DYNC2H1: variants seen among roughly 807,000 people sequenced by gnomAD.
DYNC2H1 encodes dynein cytoplasmic 2 heavy chain 1.
DYNC2H1 carries 410 observed loss-of-function variants against 570.0 expected under a neutral mutation model. The observed-to-expected ratio is 0.72, with a 90% CI of 0.66 to 0.78. DYNC2H1 has a LOEUF of 0.78. Among genes scored for constraint, DYNC2H1 ranks in the 30% least tolerant of loss-of-function variants. The probability of loss-of-function intolerance (pLI) is 0.00; values close to 1 mark genes in which losing one functional copy is unlikely to be tolerated. For synonymous variants in DYNC2H1, 1,688 were observed against 1,677.6 expected, an observed-to-expected ratio of 1.01 and a Z score of -0.15; for missense variants, 4,865 against 5,046.4, an observed-to-expected ratio of 0.96 and a Z score of 1.09.
chr11:103,468,237 C>A (rs951963630), intron 87 of DYNC2H1, among the ~76,000 whole-genome samples: 1 of 152,168 alleles, frequency 6.6e-6, no homozygotes, highest in Admixed American at 6.5e-5. Context: ...AATGTTTGCT[C>A]TCTAATTATG....
chr11:103,331,406 C>A (rs1453489710), intron 82 of DYNC2H1, among the ~76,000 whole-genome samples: 2 of 151,988 alleles, frequency 1.3e-5, no homozygotes, highest in Non-Finnish European at 2.9e-5. Context: ...TAAAACTCTG[C>A]CCCTACCCTA....
chr11:103,441,363 C>G (rs112322356), intron 85 of DYNC2H1, among the ~76,000 whole-genome samples: 28 of 151,476 alleles, frequency 1.8e-4, no homozygotes, highest in South Asian at 2.1e-4. Context: ...CGCACTCCCC[C>G]CTCCAATACT....
Position 103,447,676 on chromosome 11 carries a change from G to A in DYNC2H1, c.12457-7510G>A, listed in dbSNP as rs559981948. ...CATGGCTAAACTTTGTTCTATTTGA[G>A]AGGTTTATTATAACTAAGTTTTTTA... On this transcript the variant is annotated intron_variant, in intron 85 of 88. Transcript: ENST00000375735. Among the ~76,000 whole-genome samples, 26 of 152,224 alleles carry A rather than the reference G, an allele frequency of 1.7e-4. No homozygotes were observed. The South Asian group carries it at 5.2e-3, about 30-fold the overall frequency.
intron 22 of DYNC2H1, 96 bp downstream of exon 22, chr11:103,153,604 T>A: frequency 9.0e-7 from 1 of 1,111,834 alleles, no homozygotes; most frequent in Non-Finnish European, 1.3e-6. Flanking sequence ...TTGATAACTT[T>A]CCTCATAAAC....
intron 86 of DYNC2H1, 73 bp from the exon 87 acceptor site, chr11:103,456,202 T>C (rs867688405): frequency 8.8e-7 from 1 of 1,134,204 alleles, no homozygotes; most frequent in Middle Eastern, 2.0e-4. Flanking sequence ...AATAGGACTA[T>C]ATCTTCAGTT....
At chr11:103,156,127 T>A (rs1473649641) in intron 25 of DYNC2H1, among the ~76,000 whole-genome samples, 1 of 152,104 alleles carries the variant, frequency 6.6e-6, no homozygotes, top group East Asian at 1.9e-4. Flanking sequence ...TTGCTTTTCT[T>A]TTAGAGAGGT....
intron 59 of DYNC2H1, among the ~76,000 whole-genome samples, chr11:103,230,433 C>A (rs950789487): frequency 1.3e-5 from 2 of 152,038 alleles, no homozygotes; most frequent in East Asian, 3.9e-4. Context: ...GTAAAAGAAT[C>A]TTTTTATCTT....
At chr11:103,274,820 C>A (rs1245096232) in intron 70 of DYNC2H1, among the ~76,000 whole-genome samples, 1 of 152,082 alleles carries the variant, frequency 6.6e-6, no homozygotes, top group Admixed American at 6.6e-5. Context: ...GTAGGCTGGG[C>A]GTGGTGGCTC....
chr11:103,437,472 T>TA (rs1226981847), intron 85 of DYNC2H1, among the ~76,000 whole-genome samples: 1 of 151,532 alleles, frequency 6.6e-6, no homozygotes, highest in African/African-American at 2.4e-5. Context: ...GTTTGGCTTC[T>TA]ATTATAACCA....
chr11:103,188,709 T>C (rs1472471334), intron 44 of DYNC2H1, 61 bp downstream of exon 44: 1 of 1,246,062 alleles, frequency 8.0e-7, no homozygotes, highest in Non-Finnish European at 1.1e-6. Flanking sequence ...AAATGAATTT[T>C]ATTTAAAGTA....
chr11:103,323,376 C>T (rs771785061), intron 81 of DYNC2H1, among the ~76,000 whole-genome samples: 14 of 150,844 alleles, frequency 9.3e-5, no homozygotes, highest in Non-Finnish European at 1.5e-4. Flanking sequence ...ACTGGAATTG[C>T]TCTATTATAA....
At chr11:103,311,449 A>G (rs538958343) in intron 78 of DYNC2H1, among the ~76,000 whole-genome samples, 1 of 152,292 alleles carries the variant, frequency 6.6e-6, no homozygotes, top group African/African-American at 2.4e-5. Flanking sequence ...TTGACATTCT[A>G]TGTAAATGGT....
At chr11:103,438,683 A>C (rs1353489602) in intron 85 of DYNC2H1, among the ~76,000 whole-genome samples, 3 of 152,180 alleles carry the variant, frequency 2.0e-5, no homozygotes, top group African/African-American at 7.2e-5. Flanking sequence ...ACTTGGGTCA[A>C]AGGTAGCATT....
At position 103,298,092 on chromosome 11, in the gene DYNC2H1, A is replaced by C. The variant is rs553553013; in HGVS notation, c.11096-5001A>C. On this transcript the variant is annotated intron_variant, in intron 75 of 88. Transcript: ENST00000375735. ...TCTCTGCTCCAAGTCTTCTGATGGAATGTGACATCTCATCTTCTTCAGAAT... is the reference window on the plus strand; with the variant it reads ...TCTCTGCTCCAAGTCTTCTGATGGACTGTGACATCTCATCTTCTTCAGAAT... Among the ~76,000 whole-genome samples, 12 of 152,270 alleles carry C rather than the reference A, an allele frequency of 7.9e-5. No homozygotes were observed. The South Asian group carries it at 2.5e-3, about 32-fold the overall frequency.
Position 103,173,084 on chromosome 11 carries a change from A to G in DYNC2H1, c.5337A>G (p.Val1779=), listed in dbSNP as rs1861638602. 2.3e-6 allele frequency: 3 copies of G among 1,310,494 alleles called. No individual in the cohort carries two copies. The highest frequency in any genetic ancestry group is 9.8e-7 in the Non-Finnish European group (1 of 1,016,746). 81.2% of individuals were successfully genotyped at this position (1,310,494 alleles called of 1,614,324 possible). A position where few individuals can be genotyped will look rare whatever the true frequency, so the allele number is the denominator to read the frequency against. The change falls in exon 35 of 89, where the codon GTA becomes GTG. Residue 1779 remains valine, a splice_region_variant and synonymous_variant. Transcript: ENST00000375735. ...RTVCELLGKE[V]EVNSNSGIFI... is the part of the protein sequence containing the mutation. ...AATATTTTTAATTAATATTTCAGGT[A>G]GAAGTAAATTCTAATTCTGGAATTT...
intron 47 of DYNC2H1, among the ~76,000 whole-genome samples, chr11:103,196,652 G>T (rs1262463114): frequency 2.0e-5 from 3 of 152,134 alleles, no homozygotes; most frequent in Admixed American, 2.0e-4. Context: ...GCTGAAATTG[G>T]ACCCCAGGGA....
rs201199962 is a variant in DYNC2H1, at chr11:103,253,243, C to G, written c.10043-42C>G. On this transcript the variant is annotated intron_variant, in intron 65 of 88. Coordinates refer to ENST00000375735, the MANE Select transcript of DYNC2H1 (RefSeq NM_001377.3). Reference sequence around the variant, plus strand: ...TTTTCAAATATTGTATAGTGAAATACAGAAGATTCAGACCAACCAATTGTG... The same window carrying G: ...TTTTCAAATATTGTATAGTGAAATAGAGAAGATTCAGACCAACCAATTGTG... 17 of 1,554,598 alleles carry G rather than the reference C, an allele frequency of 1.1e-5. No homozygotes were observed. In the Admixed American group the frequency reaches 1.8e-4, roughly 17 times the overall value.
chr11:103,288,695 A>C (rs1188023724), intron 75 of DYNC2H1, among the ~76,000 whole-genome samples: 2 of 145,322 alleles, frequency 1.4e-5, no homozygotes, highest in Non-Finnish European at 3.1e-5. Flanking sequence ...AAAAAAAAAA[A>C]AAAAAAAAAA....
intron 82 of DYNC2H1, among the ~76,000 whole-genome samples, chr11:103,349,778 G>A (rs970742355): frequency 5.3e-5 from 8 of 152,104 alleles, no homozygotes; most frequent in Admixed American, 3.3e-4. Context: ...CTTGAAAAAT[G>A]ATGATGTGAG....
Sources: gnomAD v4.1 joint callset for allele counts (sites outside exome capture counted in the v4.1 genomes callset) on GRCh38, gnomAD v4.1.1 for gene constraint, MANE v1.5 for transcripts, NCBI Gene and HGNC (gene_info 2026-07-23, HGNC 2026-07-21) for gene names.